Variants in ZNF577 observed in about 807,000 individuals in gnomAD.
The protein encoded by ZNF577 is zinc finger protein 577.
A neutral mutation model predicts 13.9 loss-of-function variants in ZNF577; 14 were observed. The observed-to-expected ratio is 1.00, with a 90% confidence interval of 0.66 to 1.57. The LOEUF (loss-of-function observed/expected upper bound fraction) is 1.57, where lower values mean the gene tolerates loss of function less well. Ranked by LOEUF, ZNF577 falls within the 40% of genes most tolerant of loss-of-function variation. The probability of loss-of-function intolerance (pLI) is 0.00; values close to 1 mark genes in which losing one functional copy is unlikely to be tolerated. For missense variants in ZNF577, 555 were observed against 579.2 expected, an observed-to-expected ratio of 0.96 and a Z score of 0.43; for synonymous variants, 203 against 202.9, an observed-to-expected ratio of 1.00 and a Z score of 0.00.
chr19:51,878,782 T>A (rs545025715), intron 3 of ZNF577: 24 of 318,110 alleles, frequency 7.5e-5, no homozygotes, highest in Non-Finnish European at 1.4e-4. Flanking sequence ...AATCTAAATG[T>A]CTATCAAAAG....
chr19:51,848,514 G>A (rs2084365360), intron 5 of ZNF577, among the ~76,000 whole-genome samples: 1 of 152,198 alleles, frequency 6.6e-6, no homozygotes, highest in Non-Finnish European at 1.5e-5. Context: ...TGGAGATTAG[G>A]AGACCTAGAA....
intron 5 of ZNF577, among the ~76,000 whole-genome samples, chr19:51,876,756 T>C (rs1402677016): frequency 6.6e-6 from 1 of 151,522 alleles, no homozygotes; most frequent in Non-Finnish European, 1.5e-5. Flanking sequence ...TGAAAACTCG[T>C]CTCTACAAAA....
At chr19:51,862,112 A>AG (rs1413114838), downstream of ZNF577, 1 of 152,080 alleles carries the variant, frequency 6.6e-6, no homozygotes, top group Non-Finnish European at 1.5e-5. Flanking sequence ...ACCTTACTGG[A>AG]GAAGGCCCTA....
At chr19:51,866,936 G>A (rs1407700134), downstream of ZNF577, among the ~76,000 whole-genome samples, 4 of 151,970 alleles carry the variant, frequency 2.6e-5, no homozygotes, top group African/African-American at 4.8e-5. Context: ...AGCCATGATC[G>A]TGCCACTGAA....
intron 5 of ZNF577, among the ~76,000 whole-genome samples, chr19:51,855,379 G>C (rs1161119787): frequency 2.7e-5 from 4 of 148,624 alleles, no homozygotes; most frequent in Non-Finnish European, 5.9e-5. Flanking sequence ...GTGTGTGTGT[G>C]TGTGTGTGTG....
chr19:51,861,047 A>G, intron 5 of ZNF577: 1 of 393,202 alleles, frequency 2.5e-6, no homozygotes, highest in African/African-American at 2.2e-5. Context: ...GCTGCCTACT[A>G]AATGGAAAGC....
At chr19:51,837,269 A>G (rs990265974) in intron 9 of ZNF577, among the ~76,000 whole-genome samples, 1 of 152,062 alleles carries the variant, frequency 6.6e-6, no homozygotes, top group Non-Finnish European at 1.5e-5. Context: ...GCCAAGAAAG[A>G]GTGAAACTTA....
At chr19:51,862,406 C>G (rs1294997285), downstream of ZNF577, 1 of 152,898 alleles carries the variant, frequency 6.5e-6, no homozygotes, top group Non-Finnish European at 1.5e-5. Flanking sequence ...TAGGGTCTTT[C>G]TTCTGTATGA....
At chr19:51,852,740 G>A (rs1228724048) in intron 5 of ZNF577, among the ~76,000 whole-genome samples, 1 of 152,164 alleles carries the variant, frequency 6.6e-6, no homozygotes, top group Non-Finnish European at 1.5e-5. Flanking sequence ...ATGCTCCATT[G>A]CTTGATCTGA....
intron 5 of ZNF577, among the ~76,000 whole-genome samples, chr19:51,857,057 T>G (rs566845031): frequency 6.6e-6 from 1 of 152,046 alleles, no homozygotes; most frequent in African/African-American, 2.4e-5. Context: ...TCTCAGCACT[T>G]TGGGAGGCCG....
chr19:51,824,039 A>G lies in ZNF577; in HGVS notation c.*600-12365T>C, dbSNP rs141324188. 36 of 1,613,836 alleles carry G rather than the reference A, an allele frequency of 2.2e-5. No homozygotes were observed. Among genetic ancestry groups the G allele is most frequent in the Non-Finnish European group, 3.1e-5 (36 of 1,179,972 alleles). ...AAAAATGGCCTTTTGGCTCATTCCT[A>G]TGTAAGTTAGTTCATGTTATGATAG... On this transcript the variant is annotated intron_variant and NMD_transcript_variant, in intron 9 of 10. Transcript: ENST00000638827. This position sits in a 1 kb window ranked among gnomAD's most constrained non-coding sequence, Gnocchi z 4.7.
chr19:51,826,800 T>G lies in ZNF577; in HGVS notation c.*599+13093A>C, dbSNP rs576827390. 2.0e-5 allele frequency among the ~76,000 whole-genome samples: 3 copies of G among 152,214 alleles called. No individual in the cohort carries two copies. The South Asian group carries it at 6.2e-4, about 32-fold the overall frequency. On this transcript the variant is annotated intron_variant and NMD_transcript_variant, in intron 9 of 10. Coordinates refer to the ZNF577 transcript ENST00000638827. ...CTAGGGAATGGGTGCTGCTGACTGGTTGGGAAGGCAATCATAGGAGAGTGG... is the reference window on the plus strand; with the variant it reads ...CTAGGGAATGGGTGCTGCTGACTGGGTGGGAAGGCAATCATAGGAGAGTGG...
intron 9 of ZNF577, among the ~76,000 whole-genome samples, chr19:51,836,046 T>C (rs2084285945): frequency 6.6e-6 from 1 of 152,224 alleles, no homozygotes; most frequent in African/African-American, 2.4e-5. Context: ...AAGTGACACA[T>C]ACTTTACACA....
intron 9 of ZNF577, among the ~76,000 whole-genome samples, chr19:51,818,466 A>C (rs745936574): frequency 1.3e-5 from 2 of 152,252 alleles, no homozygotes; most frequent in African/African-American, 4.8e-5. Flanking sequence ...TGGAGTTTGT[A>C]TATCAGTGCA....
intron 10 of ZNF577, chr19:51,811,450 C>G (rs1185801363): frequency 6.6e-6 from 1 of 152,186 alleles, no homozygotes; most frequent in Non-Finnish European, 1.5e-5. Context: ...GGAACTGATC[C>G]CAGTACCTCT....
rs1468254499 is a variant in ZNF577 at position 51,873,189 on chromosome 19, C to A, written c.801G>T (p.Glu267Asp). 3.1e-6 allele frequency: 5 copies of A among 1,614,048 alleles called. No individual in the cohort carries two copies. In the East Asian group the frequency reaches 8.9e-5, roughly 29 times the overall value. ...LNRHQRSHTG[E>D]KLYGCSVCGK... ...CACACACACTGCACCCATAGAGTTT[C>A]TCTCCAGTATGTGATCGCTGATGTC... The change falls in exon 6 of 6, where the codon GAG (glutamate) becomes GAT (aspartate). Residue 267 changes from glutamate (E) to aspartate (D), a missense_variant. Coordinates refer to ENST00000638348, the MANE Select transcript of ZNF577 (RefSeq NM_001370449.1).
At chr19:51,837,274 AACTT>A (rs1366990700) in intron 9 of ZNF577, among the ~76,000 whole-genome samples, 1 of 152,072 alleles carries the variant, frequency 6.6e-6, no homozygotes, top group Non-Finnish European at 1.5e-5. Context: ...GAAAGAGTGA[AACTT>A]ACTTAGTTCT....
At chr19:51,857,379 AAAG>A (rs2084439548) in intron 5 of ZNF577, among the ~76,000 whole-genome samples, 1 of 112,106 alleles carries the variant, frequency 8.9e-6, no homozygotes, top group Admixed American at 9.2e-5. Context: ...AGAAAGAAAG[AAAG>A]AAAGAAAGAA....
chr19:51,875,690 T>C (rs2084748647), intron 5 of ZNF577, among the ~76,000 whole-genome samples: 1 of 152,250 alleles, frequency 6.6e-6, no homozygotes, highest in Non-Finnish European at 1.5e-5. Flanking sequence ...GGACCTCTTC[T>C]TTCTTCAAGC....
Sources: gnomAD v4.1 joint callset for allele counts (sites outside exome capture counted in the v4.1 genomes callset) on GRCh38, gnomAD v4.1.1 for gene constraint, Gnocchi (gnomAD v3.1) non-coding constraint, MANE v1.5 for transcripts, NCBI Gene and HGNC (gene_info 2026-07-23, HGNC 2026-07-21) for gene names.